GRID2: variants seen among roughly 807,000 people sequenced by gnomAD.
GRID2 encodes the protein glutamate receptor ionotropic, delta-2.
GRID2 carries 33 observed loss-of-function variants against 114.8 expected under a neutral mutation model. The ratio of observed to expected loss-of-function variants is 0.29; its 90% CI spans 0.22 to 0.38. GRID2 has a LOEUF of 0.38. GRID2 is among the 10% of genes least tolerant of loss of function. The probability of loss-of-function intolerance (pLI) is 1.00; values close to 1 mark genes in which losing one functional copy is unlikely to be tolerated. For missense variants in GRID2, 1,184 were observed against 1,257.7 expected, an observed-to-expected ratio of 0.94 and a Z score of 0.89; for synonymous variants, 505 against 449.9, an observed-to-expected ratio of 1.12 and a Z score of -1.55.
At chr4:92,913,167 G>A (rs1171020136) in intron 2 of GRID2, among the ~76,000 whole-genome samples, 6 of 151,750 alleles carry the variant, frequency 4.0e-5, no homozygotes, top group Non-Finnish European at 8.9e-5. Flanking sequence ...ATGAAAAAAT[G>A]TTTGGTTTTT....
chr4:92,619,144 C>T (rs894730194), intron 2 of GRID2, among the ~76,000 whole-genome samples: 6 of 151,446 alleles, frequency 4.0e-5, no homozygotes, highest in Admixed American at 2.0e-4. Flanking sequence ...CTTGTGTTTA[C>T]GTAGTATGAG....
chr4:92,919,644 C>G (rs1489636576), intron 2 of GRID2, among the ~76,000 whole-genome samples: 3 of 152,256 alleles, frequency 2.0e-5, no homozygotes, highest in Admixed American at 2.0e-4. Context: ...TGTTCAATTT[C>G]CATGTAGTTG....
chr4:92,502,875 G>A (rs975881853), intron 1 of GRID2, among the ~76,000 whole-genome samples: 3 of 151,700 alleles, frequency 2.0e-5, no homozygotes, highest in South Asian at 4.2e-4. Context: ...CTGCCACCAC[G>A]CCCAGCTGAT....
At chr4:93,330,895 C>A (rs1263135943) in intron 8 of GRID2, among the ~76,000 whole-genome samples, 1 of 152,062 alleles carries the variant, frequency 6.6e-6, no homozygotes, top group Non-Finnish European at 1.5e-5. Context: ...GATTACAGAA[C>A]ACAGCAGCTG....
At chr4:92,654,232 C>T (rs1039202720) in intron 2 of GRID2, among the ~76,000 whole-genome samples, 3 of 151,982 alleles carry the variant, frequency 2.0e-5, no homozygotes, top group Non-Finnish European at 4.4e-5. Flanking sequence ...CCTGACTCTC[C>T]TATCCTCACA....
At chr4:92,793,829 A>C (rs536809159) in intron 2 of GRID2, among the ~76,000 whole-genome samples, 1 of 151,872 alleles carries the variant, frequency 6.6e-6, no homozygotes, top group Non-Finnish European at 1.5e-5. Context: ...CCATTAGCTC[A>C]AGTCTTCATT....
At chr4:93,252,418 T>C (rs919431187) in intron 8 of GRID2, among the ~76,000 whole-genome samples, 9 of 149,694 alleles carry the variant, frequency 6.0e-5, no homozygotes, top group African/African-American at 2.0e-4. Flanking sequence ...TTCTGTTGCA[T>C]TGGTCTATGT....
Position 93,309,371 on chromosome 4 carries a change from T to C in GRID2, c.1245+70881T>C, listed in dbSNP as rs573103403. ...CCAACATGGCGAAACCCTGTCTCTG[T>C]TAAAATTACAAAAATTAGCCAGGCA... On this transcript the variant is annotated intron_variant, in intron 8 of 15. Transcript: ENST00000282020. 2.6e-5 allele frequency among the ~76,000 whole-genome samples: 4 copies of C among 152,062 alleles called. No individual in the cohort carries two copies. In the South Asian group the frequency reaches 6.2e-4, roughly 24 times the overall value.
At chr4:93,285,142 C>T (rs1753013478) in intron 8 of GRID2, among the ~76,000 whole-genome samples, 1 of 146,340 alleles carries the variant, frequency 6.8e-6, no homozygotes, top group Non-Finnish European at 1.5e-5. Flanking sequence ...TAGGTAATAC[C>T]TAGTTTTCCA....
At chr4:93,210,161 G>A (rs1375064272) in intron 5 of GRID2, among the ~76,000 whole-genome samples, 1 of 151,938 alleles carries the variant, frequency 6.6e-6, no homozygotes, top group Non-Finnish European at 1.5e-5. Context: ...TCTTTGTCAT[G>A]AAATATTTGC....
At chr4:93,631,913 T>G (rs1385210187) in intron 14 of GRID2, among the ~76,000 whole-genome samples, 1 of 152,354 alleles carries the variant, frequency 6.6e-6, no homozygotes, top group East Asian at 1.9e-4. Context: ...CCATTCTAAC[T>G]GCTGTGAGAT....
chr4:92,605,625 A>G (rs1729419650), intron 2 of GRID2, among the ~76,000 whole-genome samples: 1 of 152,120 alleles, frequency 6.6e-6, no homozygotes, highest in Non-Finnish European at 1.5e-5. Flanking sequence ...GTTGAGTAGT[A>G]GACAGACATG....
chr4:93,045,238 C>T (rs563649062), intron 2 of GRID2, among the ~76,000 whole-genome samples: 1 of 152,050 alleles, frequency 6.6e-6, no homozygotes, highest in Admixed American at 6.6e-5. Flanking sequence ...TAAACTCTTG[C>T]CTTTTGTCTA....
At chr4:93,587,523 A>G (rs1737664111) in intron 13 of GRID2, among the ~76,000 whole-genome samples, 1 of 152,112 alleles carries the variant, frequency 6.6e-6, no homozygotes, top group African/African-American at 2.4e-5. Context: ...AATTTTAGTT[A>G]GAGTATATTT....
chr4:93,705,371 C>G (rs1277721298), intron 14 of GRID2, among the ~76,000 whole-genome samples: 8 of 150,462 alleles, frequency 5.3e-5, no homozygotes, highest in Non-Finnish European at 1.0e-4. Flanking sequence ...CGCTGTGTCG[C>G]TCAGGTTGGA....
chr4:92,313,613 A>C (rs1725822562), intron 1 of GRID2, among the ~76,000 whole-genome samples: 1 of 151,960 alleles, frequency 6.6e-6, no homozygotes, highest in African/African-American at 2.4e-5. Context: ...CAGCGGATGC[A>C]GGAAAAGAGA....
At chr4:92,561,179 A>ATG (rs1727088161) in intron 1 of GRID2, among the ~76,000 whole-genome samples, 1 of 152,200 alleles carries the variant, frequency 6.6e-6, no homozygotes, top group African/African-American at 2.4e-5. Flanking sequence ...AAGCATATTG[A>ATG]TGTGTGGAAG....
At chr4:92,357,455 T>C (rs1222562954) in intron 1 of GRID2, among the ~76,000 whole-genome samples, 7 of 151,868 alleles carry the variant, frequency 4.6e-5, no homozygotes, top group African/African-American at 1.7e-4. Flanking sequence ...CCCAGGTAGG[T>C]TACCTGTATT....
chr4:92,630,621 C>T (rs185235464), intron 2 of GRID2, among the ~76,000 whole-genome samples: 3 of 152,170 alleles, frequency 2.0e-5, no homozygotes, highest in Admixed American at 1.3e-4. Context: ...GGTTTTAGCT[C>T]GCTAAATCCT....
Sources: allele counts gnomAD v4.1 joint callset (sites outside exome capture counted in the v4.1 genomes callset), GRCh38; gene constraint gnomAD v4.1.1; transcripts MANE v1.5; gene names NCBI Gene and HGNC (gene_info 2026-07-23, HGNC 2026-07-21).